The following GRIK1 variants were observed in gnomAD, a reference collection of about 807,000 sequenced individuals.
The protein encoded by GRIK1 is glutamate receptor ionotropic, kainate 1.
GRIK1 carries 69 observed loss-of-function variants against 105.7 expected under a neutral mutation model. The observed-to-expected ratio is 0.65, with a 90% confidence interval of 0.54 to 0.80. The LOEUF is 0.80. Among genes scored for constraint, GRIK1 ranks in the 30% least tolerant of loss-of-function variants. The pLI, the probability that GRIK1 is intolerant of heterozygous loss-of-function variation, is 0.00. For missense variants in GRIK1, 1,109 were observed against 1,167.3 expected, an observed-to-expected ratio of 0.95 and a Z score of 0.73; for synonymous variants, 438 against 431.3, an observed-to-expected ratio of 1.02 and a Z score of -0.19.
intron 1 of GRIK1, chr21:29,861,761 C>A: frequency 2.7e-6 from 1 of 365,274 alleles, no homozygotes. Flanking sequence ...TGGTGGATTG[C>A]ATTAATTTCT....
intron 1 of GRIK1, among the ~76,000 whole-genome samples, chr21:29,814,945 G>A (rs572999140): frequency 7.5e-4 from 114 of 152,190 alleles, no homozygotes; most frequent in African/African-American, 2.7e-3. Flanking sequence ...TCTTGACCTG[G>A]TCACTTTACC....
At chr21:29,805,258 T>C (rs1196890175) in intron 1 of GRIK1, among the ~76,000 whole-genome samples, 1 of 152,134 alleles carries the variant, frequency 6.6e-6, no homozygotes, top group Admixed American at 6.6e-5. Flanking sequence ...TCATGTGATA[T>C]GTGGTTATAA....
At chr21:29,724,462 T>C (rs183366840) in intron 1 of GRIK1, among the ~76,000 whole-genome samples, 4 of 152,320 alleles carry the variant, frequency 2.6e-5, no homozygotes, top group African/African-American at 9.6e-5. Context: ...TCTAAAGCAT[T>C]GAGTGAAAAT....
intron 1 of GRIK1, among the ~76,000 whole-genome samples, chr21:29,846,467 A>AAGAAAGAAAGAG (rs1569154657): frequency 5.9e-5 from 2 of 33,968 alleles, no homozygotes; most frequent in African/African-American, 1.0e-4. Flanking sequence ...GAGAGAGAGA[A>AAGAAAGAAAGAG]AGAAAGAAAG....
chr21:29,848,779 A>ATATTTTTTTTTTTTTTTTTT, intron 1 of GRIK1, among the ~76,000 whole-genome samples: 1 of 77,884 alleles, frequency 1.3e-5, no homozygotes, highest in African/African-American at 5.8e-5. Flanking sequence ...ATATATATAT[A>ATATTTTTTTTTTTTTTTTTT]TTTTTTTTTT....
chr21:29,540,225 A>G (rs1312829331), intron 16 of GRIK1, among the ~76,000 whole-genome samples: 1 of 152,170 alleles, frequency 6.6e-6, no homozygotes, highest in Non-Finnish European at 1.5e-5. Context: ...CCTCCCCCAG[A>G]TTTTAGACTG....
Position 29,927,796 on chromosome 21 carries a change from G to A in GRIK1, c.118+11587C>T, listed in dbSNP as rs59038388. On this transcript the variant is annotated intron_variant, in intron 1 of 17. Coordinates refer to ENST00000327783, the MANE Select transcript of GRIK1 (RefSeq NM_001330994.2). ...TGAGGCAGGAGAATCACTTGAACCC[G>A]GGAGGTGGAGGTTGCAGTGAGCCAA... Among the ~76,000 whole-genome samples the A allele has an allele frequency of 4.0e-3, 605 of 152,062 alleles. 7 individuals carry two copies. In the East Asian group the frequency reaches 0.047, roughly 12 times the overall value.
At chr21:29,749,396 G>C (rs532015758) in intron 1 of GRIK1, among the ~76,000 whole-genome samples, 2 of 152,220 alleles carry the variant, frequency 1.3e-5, no homozygotes, top group Non-Finnish European at 2.9e-5. Flanking sequence ...ACGTAGCATA[G>C]TGGACGTGTC....
chr21:29,581,531 G>A lies in GRIK1; in HGVS notation c.1806C>T (p.Tyr602=), dbSNP rs766911564. The change falls in exon 13 of 18, where the codon TAC becomes TAT. Residue 602 remains tyrosine, a synonymous_variant. Transcript: ENST00000327783. The stretch of plus-strand genomic sequence containing the variant: ...TGCATGGGTGGGGGTTATACCACTC[G>A]TAGGGTGTAAACCTGTGGTAGTTAA... The part of the protein sequence containing the change: ...VLFVIARFTP[Y]EWYNPHPCNP... 10 of 1,591,138 alleles carry A rather than the reference G, an allele frequency of 6.3e-6. No homozygotes were observed. The highest frequency in any genetic ancestry group is 5.0e-5 in the Admixed American group (3 of 59,954).
intron 5 of GRIK1, among the ~76,000 whole-genome samples, chr21:29,653,874 A>G (rs182566755): frequency 1.8e-4 from 28 of 152,312 alleles, no homozygotes; most frequent in Admixed American, 1.6e-3. Context: ...GATTTTGACA[A>G]CTGTCCCAAA....
intron 1 of GRIK1, among the ~76,000 whole-genome samples, chr21:29,799,282 G>A (rs1441267492): frequency 6.6e-6 from 1 of 152,180 alleles, no homozygotes; most frequent in African/African-American, 2.4e-5. Context: ...CATTTAGACT[G>A]ACATGGACAC....
intron 1 of GRIK1, among the ~76,000 whole-genome samples, chr21:29,716,496 A>G (rs2064180947): frequency 6.6e-6 from 1 of 152,190 alleles, no homozygotes; most frequent in African/African-American, 2.4e-5. Flanking sequence ...TTTGACCAAA[A>G]TGCTGATAGT....
At chr21:29,681,313 A>G (rs755774437) in intron 3 of GRIK1, among the ~76,000 whole-genome samples, 5 of 152,076 alleles carry the variant, frequency 3.3e-5, no homozygotes, top group African/African-American at 4.8e-5. Context: ...TTCCCATTCC[A>G]GGCAGAGCAC....
chr21:29,622,847 C>A (rs533483044), intron 7 of GRIK1, among the ~76,000 whole-genome samples: 183 of 152,330 alleles, frequency 1.2e-3, no homozygotes, highest in African/African-American at 4.2e-3. Context: ...TCTACTATAT[C>A]TTATGATATG....
chr21:29,853,607 G>A (rs2068373253), intron 1 of GRIK1, among the ~76,000 whole-genome samples: 1 of 152,154 alleles, frequency 6.6e-6, no homozygotes, highest in African/African-American at 2.4e-5. Context: ...AGAAAAATAG[G>A]CCAACTATGC....
At chr21:29,814,782 G>C (rs796103963) in intron 1 of GRIK1, among the ~76,000 whole-genome samples, 1 of 152,092 alleles carries the variant, frequency 6.6e-6, no homozygotes, top group East Asian at 1.9e-4. Flanking sequence ...GTATGCATTA[G>C]GGTGTAGAGT....
intron 1 of GRIK1, among the ~76,000 whole-genome samples, chr21:29,839,736 C>A (rs1295439248): frequency 6.6e-6 from 1 of 151,982 alleles, no homozygotes; most frequent in East Asian, 1.9e-4. Context: ...TTTTGCAGTT[C>A]TAGAAGAATT....
chr21:29,715,380 G>A (rs2064154799), intron 1 of GRIK1, among the ~76,000 whole-genome samples: 2 of 152,138 alleles, frequency 1.3e-5, no homozygotes, highest in Admixed American at 1.3e-4. Context: ...CAGGAGGCCA[G>A]GGCTGGGACT....
chr21:29,621,393 G>T (rs2061998358), intron 7 of GRIK1, among the ~76,000 whole-genome samples: 1 of 149,400 alleles, frequency 6.7e-6, no homozygotes, highest in African/African-American at 2.4e-5. Flanking sequence ...GGGCCTGAGG[G>T]GTGTGTGTGT....
Sources: allele counts gnomAD v4.1 joint callset (sites outside exome capture counted in the v4.1 genomes callset), GRCh38; gene constraint gnomAD v4.1.1; transcripts MANE v1.5; gene names NCBI Gene and HGNC (gene_info 2026-07-23, HGNC 2026-07-21).